Variants in SORCS1 observed in about 807,000 individuals in gnomAD.
SORCS1 encodes sortilin related VPS10 domain containing receptor 1, also known as VPS10 domain-containing receptor SorCS1.
Under a neutral mutation model 146.1 loss-of-function variants are expected in SORCS1, and 60 were observed. The observed-to-expected ratio is 0.41, with a 90% CI of 0.33 to 0.51. The LOEUF (loss-of-function observed/expected upper bound fraction) is 0.51. Ranked by LOEUF, SORCS1 falls within the 20% of genes least tolerant of loss-of-function variation. The pLI, the probability that SORCS1 is intolerant of heterozygous loss-of-function variation, is 0.21. For missense variants in SORCS1, 1,352 were observed against 1,487.6 expected (o/e 0.91, Z 1.50); for synonymous variants, 637 against 584.0 (o/e 1.09, Z -1.31).
chr10:106,893,793 C>T (rs1951334545), intron 2 of SORCS1, among the ~76,000 whole-genome samples: 1 of 152,024 alleles, frequency 6.6e-6, no homozygotes, highest in Non-Finnish European at 1.5e-5. Context: ...TTATTCAATA[C>T]TTCATAGCCT....
At chr10:106,715,686 C>G (rs11818580) in intron 6 of SORCS1, among the ~76,000 whole-genome samples, 5,502 of 152,244 alleles carry the variant, frequency 0.036, 288 homozygotes, top group African/African-American at 0.12. Flanking sequence ...CTGTAATCAC[C>G]AATACTGCTC....
intron 2 of SORCS1, among the ~76,000 whole-genome samples, chr10:106,888,191 T>A (rs988613555): frequency 6.6e-6 from 1 of 152,192 alleles, no homozygotes; most frequent in Non-Finnish European, 1.5e-5. Context: ...GGTAATAGTT[T>A]ATAGAATAAA....
At chr10:106,674,906 T>C in intron 14 of SORCS1, 143 bp downstream of exon 14, 1 of 526,724 alleles carries the variant, frequency 1.9e-6, no homozygotes, top group Non-Finnish European at 3.2e-6. Flanking sequence ...CACATTTTTC[T>C]TCCCTATTTG....
chr10:107,106,318 C>G (rs1965301117), intron 1 of SORCS1, among the ~76,000 whole-genome samples: 1 of 152,180 alleles, frequency 6.6e-6, no homozygotes, highest in South Asian at 2.1e-4. Context: ...GGTTGAGTAT[C>G]TCATTCTGGT....
intron 1 of SORCS1, among the ~76,000 whole-genome samples, chr10:107,029,778 A>G (rs1489648298): frequency 1.3e-5 from 2 of 152,320 alleles, no homozygotes; most frequent in Admixed American, 1.3e-4. Flanking sequence ...ATACAAACTC[A>G]TTCTATTTTC....
At chr10:106,657,659 A>G (rs1850402502) in intron 17 of SORCS1, among the ~76,000 whole-genome samples, 1 of 44,264 alleles carries the variant, frequency 2.3e-5, no homozygotes, top group South Asian at 1.4e-3. Flanking sequence ...ATATAACACT[A>G]TATGTGTGTG....
intron 10 of SORCS1, among the ~76,000 whole-genome samples, chr10:106,686,444 A>G (rs1167267889): frequency 6.6e-6 from 1 of 152,182 alleles, no homozygotes; most frequent in Non-Finnish European, 1.5e-5. Flanking sequence ...TTTAATCTCC[A>G]AAGTGCAGAG....
At chr10:106,652,668 T>A in intron 17 of SORCS1, 115 bp from the exon 18 acceptor site, 2 of 1,107,598 alleles carry the variant, frequency 1.8e-6, no homozygotes, top group South Asian at 1.6e-5. Context: ...CACCTAACCA[T>A]CTTTCATGCT....
At chr10:107,173,166 T>C in the SORCS1 span, among the ~76,000 whole-genome samples, 338 of 152,288 alleles carry the variant, frequency 2.2e-3, 2 homozygotes, top group African/African-American at 7.3e-3. Flanking sequence ...TATACATTAA[T>C]TTTGCTGTTC....
At chr10:106,731,944 G>C (rs568993169) in intron 5 of SORCS1, among the ~76,000 whole-genome samples, 5 of 152,160 alleles carry the variant, frequency 3.3e-5, no homozygotes, top group Non-Finnish European at 7.3e-5. Flanking sequence ...GAAAGAAAGC[G>C]AAGGGGCTAT....
chr10:107,141,307 A>G (rs1215423770), intron 1 of SORCS1, among the ~76,000 whole-genome samples: 1 of 152,200 alleles, frequency 6.6e-6, no homozygotes, highest in African/African-American at 2.4e-5. Context: ...AGGGGCACAC[A>G]CACATTATTT....
At chr10:106,697,669 C>T (rs911228785) in intron 9 of SORCS1, among the ~76,000 whole-genome samples, 8 of 151,950 alleles carry the variant, frequency 5.3e-5, no homozygotes, top group East Asian at 3.9e-4. Flanking sequence ...CCCTGTGCTC[C>T]GTGCTTTGAA....
intron 16 of SORCS1, among the ~76,000 whole-genome samples, chr10:106,669,288 G>C (rs1432959431): frequency 1.3e-5 from 2 of 151,954 alleles, no homozygotes; most frequent in Non-Finnish European, 2.9e-5. Context: ...TTACTTTGAA[G>C]CCTGTAGAAA....
intron 4 of SORCS1, among the ~76,000 whole-genome samples, chr10:106,770,542 G>C (rs1394067601): frequency 6.7e-6 from 1 of 150,144 alleles, no homozygotes; most frequent in Non-Finnish European, 1.5e-5. Flanking sequence ...CATGAACAAA[G>C]AAAAACAAAG....
intron 2 of SORCS1, among the ~76,000 whole-genome samples, chr10:106,842,475 C>T (rs1018848806): frequency 1.4e-4 from 21 of 152,252 alleles, no homozygotes; most frequent in African/African-American, 5.1e-4. Flanking sequence ...CTCAGGTGAT[C>T]TGCCCACCTC....
intron 2 of SORCS1, among the ~76,000 whole-genome samples, chr10:106,908,778 G>A (rs1003649894): frequency 2.6e-5 from 4 of 152,236 alleles, no homozygotes; most frequent in East Asian, 1.9e-4. Flanking sequence ...GCACAGCTCC[G>A]CTTTTCCCAG....
intron 2 of SORCS1, among the ~76,000 whole-genome samples, chr10:106,919,332 G>T (rs1452908573): frequency 6.6e-6 from 1 of 152,144 alleles, no homozygotes; most frequent in Non-Finnish European, 1.5e-5. Context: ...TCCCCCTTCA[G>T]ATCCCAGTGA....
chr10:107,147,506 G>A (rs1968430950), intron 1 of SORCS1, among the ~76,000 whole-genome samples: 1 of 151,902 alleles, frequency 6.6e-6, no homozygotes, highest in Non-Finnish European at 1.5e-5. Flanking sequence ...CTCTCTCTCT[G>A]TCTCTCTGTC....
At chr10:106,903,278 A>T (rs1342439655) in intron 2 of SORCS1, among the ~76,000 whole-genome samples, 1 of 152,180 alleles carries the variant, frequency 6.6e-6, no homozygotes, top group Non-Finnish European at 1.5e-5. Context: ...CTCTTATGAA[A>T]GCATTTGTTT....
Sources: allele counts gnomAD v4.1 joint callset (sites outside exome capture counted in the v4.1 genomes callset), GRCh38; gene constraint gnomAD v4.1.1; transcripts MANE v1.5; gene names NCBI Gene and HGNC (gene_info 2026-07-23, HGNC 2026-07-21).